SLC7A14: variants seen among roughly 807,000 people sequenced by gnomAD.
The protein encoded by SLC7A14 is gamma-aminobutyric acid transporter SLC7A14.
Under a neutral mutation model 60.2 loss-of-function variants are expected in SLC7A14, and 37 were observed. The ratio of observed to expected loss-of-function variants is 0.61; its 90% CI spans 0.47 to 0.81. The LOEUF is 0.81. SLC7A14 is among the 30% of genes least tolerant of loss of function. The probability of loss-of-function intolerance (pLI) is 0.00; values close to 1 mark genes in which losing one functional copy is unlikely to be tolerated. For synonymous variants in SLC7A14, 399 were observed against 395.8 expected, an observed-to-expected ratio of 1.01 and a Z score of -0.10; for missense variants, 886 against 982.7, an observed-to-expected ratio of 0.90 and a Z score of 1.32.
rs75934904 is a variant in SLC7A14 at position 170,579,987 on chromosome 3, C to T, written c.-153+5924G>A. ...ATCTTGGCCATCACTATTTATGCCC[C>T]GAGAAGGGCTAGAAGTGTGGTTATT... On this transcript the variant is annotated intron_variant, in intron 1 of 7. Transcript: ENST00000231706. 2.8e-3 allele frequency among the ~76,000 whole-genome samples: 419 copies of T among 152,198 alleles called. 4 individuals carry two copies. The highest frequency in any genetic ancestry group is 8.9e-3 in the African/African-American group (369 of 41,542).
At chr3:170,506,495 T>C (rs996913782) in intron 2 of SLC7A14, among the ~76,000 whole-genome samples, 8 of 152,208 alleles carry the variant, frequency 5.3e-5, no homozygotes, top group Non-Finnish European at 1.2e-4. Context: ...GTTAATCCTC[T>C]TATATGTATC....
intron 2 of SLC7A14, among the ~76,000 whole-genome samples, chr3:170,520,496 T>G (rs751649877): frequency 2.0e-5 from 3 of 152,216 alleles, no homozygotes; most frequent in Non-Finnish European, 2.9e-5. Flanking sequence ...CTTGCCTATT[T>G]TTGGTACTGT....
intron 1 of SLC7A14, among the ~76,000 whole-genome samples, chr3:170,544,797 G>A (rs1441373917): frequency 6.6e-6 from 1 of 152,232 alleles, no homozygotes; most frequent in Non-Finnish European, 1.5e-5. Flanking sequence ...CCAAGGTAAA[G>A]ATGAGGAAAC....
chr3:170,509,069 A>C (rs1459896233), intron 2 of SLC7A14, among the ~76,000 whole-genome samples: 1 of 152,062 alleles, frequency 6.6e-6, no homozygotes, highest in African/African-American at 2.4e-5. Context: ...TTTTTCAGGG[A>C]GTGATTGGTC....
At position 170,501,292 on chromosome 3, in the gene SLC7A14, AGGC is replaced by A; in HGVS notation, c.355_357del (p.Ala119del). 3 of 1,614,226 alleles carry A rather than the reference AGGC, an allele frequency of 1.9e-6. No homozygotes were observed. The highest frequency in any genetic ancestry group is 2.5e-6 in the Non-Finnish European group (3 of 1,180,040). On this transcript the variant is annotated inframe_deletion, in exon 3 of 8. Coordinates refer to ENST00000231706, the MANE Select transcript of SLC7A14 (RefSeq NM_020949.3). The stretch of plus-strand genomic sequence containing the variant: ...CCAACAGTGACATAGCTGTAGGTGT[AGGC>A]AGATCCTGTGGTCTTGGGGACTCGA...
chr3:170,492,355 A>T (rs994093222), intron 4 of SLC7A14, among the ~76,000 whole-genome samples: 1 of 152,166 alleles, frequency 6.6e-6, no homozygotes, highest in East Asian at 1.9e-4. Flanking sequence ...ATTGAAAAAA[A>T]TTAGCTAGGT....
intron 1 of SLC7A14, among the ~76,000 whole-genome samples, chr3:170,534,490 G>A (rs1352194933): frequency 6.6e-6 from 1 of 152,174 alleles, no homozygotes; most frequent in Non-Finnish European, 1.5e-5. Flanking sequence ...TCTTATGAAG[G>A]AGGATGTAAA....
intron 6 of SLC7A14, among the ~76,000 whole-genome samples, chr3:170,482,235 T>G (rs1173051714): frequency 6.6e-6 from 1 of 152,214 alleles, no homozygotes; most frequent in Non-Finnish European, 1.5e-5. Context: ...CACACAAGAC[T>G]GTAAATGTGT....
intron 1 of SLC7A14, among the ~76,000 whole-genome samples, chr3:170,538,095 A>G (rs1034435654): frequency 3.3e-5 from 5 of 152,232 alleles, no homozygotes; most frequent in African/African-American, 9.6e-5. Context: ...ACTTGTTCAC[A>G]TTAGTATTAA....
chr3:170,549,395 T>C (rs1292923731), intron 1 of SLC7A14, among the ~76,000 whole-genome samples: 1 of 152,026 alleles, frequency 6.6e-6, no homozygotes, highest in Non-Finnish European at 1.5e-5. Context: ...TTTGTATTTT[T>C]GTAGAGACAG....
chr3:170,506,228 T>C (rs1712777596), intron 2 of SLC7A14, among the ~76,000 whole-genome samples: 1 of 152,228 alleles, frequency 6.6e-6, no homozygotes, highest in South Asian at 2.1e-4. Context: ...ATAAAGGATT[T>C]ATTTCAGCAG....
chr3:170,529,396 C>A (rs1248464295), intron 1 of SLC7A14, among the ~76,000 whole-genome samples: 1 of 152,206 alleles, frequency 6.6e-6, no homozygotes, highest in Admixed American at 6.5e-5. Context: ...TGAGTAGTAG[C>A]TTCACTATTG....
Position 170,460,517 on chromosome 3 carries a change from C to T in SLC7A14, c.*6538G>A, listed in dbSNP as rs2287490. On this transcript the variant is annotated 3_prime_UTR_variant, in exon 8 of 8. Coordinates refer to ENST00000231706, the MANE Select transcript of SLC7A14 (RefSeq NM_020949.3). Reference sequence around the variant, plus strand: ...CCTTTGGGAGTGTGAATGAGACAAGCGTATCAGCAACTGCCAAGACCAATC... The same window carrying T: ...CCTTTGGGAGTGTGAATGAGACAAGTGTATCAGCAACTGCCAAGACCAATC... 0.57 allele frequency: 85,985 copies of T among 152,030 alleles called. 25,798 individuals are homozygous for T. The highest frequency in any genetic ancestry group is 0.7 in the Middle Eastern group (206 of 294). 9.4% of individuals were successfully genotyped at this position (152,030 alleles called of 1,614,324 possible).
At chr3:170,560,850 A>G (rs533113628) in intron 1 of SLC7A14, among the ~76,000 whole-genome samples, 1 of 152,354 alleles carries the variant, frequency 6.6e-6, no homozygotes, top group African/African-American at 2.4e-5. Flanking sequence ...CTTCGGTCAC[A>G]TATATAACCA....
rs1468058450 is a variant in SLC7A14, at chr3:170,501,345, C to G, written c.305G>C (p.Gly102Ala). Residue 102 changes from glycine (G) to alanine (A), a missense_variant and splice_region_variant, in exon 3 of 8, where the codon GGC (glycine) becomes GCC (alanine). Coordinates refer to ENST00000231706, the MANE Select transcript of SLC7A14 (RefSeq NM_020949.3). ...IIAAVASILS[G>A]VCYAEFGVRV... ...AACTCCAAACTCTGCATAGCAGACG[C>G]CTGCAAGGGACAGACATACACAGAT... The G allele has an allele frequency of 6.2e-7, 1 of 1,613,150 alleles. No homozygotes were observed. Among genetic ancestry groups the G allele is most frequent in the Non-Finnish European group, 8.5e-7 (1 of 1,179,244 alleles).
rs773455506 is a variant in SLC7A14, at chr3:170,480,563, G to A, written c.1719C>T (p.Phe573=). Residue 573 remains phenylalanine, a synonymous_variant, in exon 7 of 8, where the codon TTC becomes TTT. Transcript: ENST00000231706. The stretch of plus-strand genomic sequence containing the variant: ...AGGAGCAGAAGATGAACATGAGGAT[G>A]AAGAGCAGGAGCACGCAGATGGTCA... The part of the protein sequence containing the change: ...HTVTICVLLL[F]ILMFIFCSFI... 11 of 1,614,226 alleles carry A rather than the reference G, an allele frequency of 6.8e-6. No homozygotes were observed. Among genetic ancestry groups the A allele is most frequent in the Non-Finnish European group, 9.3e-6 (11 of 1,180,042 alleles).
chr3:170,510,215 C>G (rs1397862025), intron 2 of SLC7A14, among the ~76,000 whole-genome samples: 25 of 151,448 alleles, frequency 1.7e-4, no homozygotes, highest in African/African-American at 5.3e-4. Context: ...CGTGGTGAAA[C>G]CCTGTCTCTA....
At chr3:170,511,027 A>G (rs1432857480) in intron 2 of SLC7A14, among the ~76,000 whole-genome samples, 2 of 152,202 alleles carry the variant, frequency 1.3e-5, no homozygotes, top group Non-Finnish European at 2.9e-5. Context: ...AGAGAGACCC[A>G]GAGAGTGGTT....
At chr3:170,571,825 C>T (rs1478357575) in intron 1 of SLC7A14, among the ~76,000 whole-genome samples, 1 of 152,004 alleles carries the variant, frequency 6.6e-6, no homozygotes, top group East Asian at 1.9e-4. Flanking sequence ...CTTTGGGAGG[C>T]CAAGGCAGGC....
Sources: gnomAD v4.1 joint callset for allele counts (sites outside exome capture counted in the v4.1 genomes callset) on GRCh38, gnomAD v4.1.1 for gene constraint, MANE v1.5 for transcripts, NCBI Gene and HGNC (gene_info 2026-07-23, HGNC 2026-07-21) for gene names.